CALCOCO2: variants seen among roughly 807,000 people sequenced by gnomAD.
CALCOCO2 encodes the protein calcium binding and coiled-coil domain 2.
A neutral mutation model predicts 62.5 loss-of-function variants in CALCOCO2; 42 were observed. That is an observed-to-expected ratio of 0.67 (90% CI 0.53 to 0.87). The LOEUF is 0.87. Among genes scored for constraint, CALCOCO2 ranks in the 40% least tolerant of loss-of-function variants. The pLI is 0.00. For synonymous variants in CALCOCO2, 167 were observed against 173.0 expected, an observed-to-expected ratio of 0.97 and a Z score of 0.27; for missense variants, 456 against 515.0, an observed-to-expected ratio of 0.89 and a Z score of 1.11.
rs1244344139 is a variant in CALCOCO2 at position 48,857,812 on chromosome 17, A to C, written c.1008+1625A>C. On this transcript the variant is annotated intron_variant, in intron 10 of 12. Transcript: ENST00000258947. ...ACACAGTGAAACCCCGTCTCTACTA[A>C]AAATACAAAAAAAAAATTAGCGAGC... Among the ~76,000 whole-genome samples, 24 of 137,698 alleles carry C rather than the reference A, an allele frequency of 1.7e-4. No homozygotes were observed. The Admixed American group carries it at 1.8e-3, about 11-fold the overall frequency. The allele number at this position is 137,698 out of a possible 152,430, so 90.3% of individuals were successfully genotyped here. A position where few individuals can be genotyped will look rare whatever the true frequency, so the allele number is the denominator to read the frequency against.
intron 1 of CALCOCO2, among the ~76,000 whole-genome samples, chr17:48,837,543 G>C (rs959091348): frequency 6.6e-6 from 1 of 152,080 alleles, no homozygotes; most frequent in Non-Finnish European, 1.5e-5. Flanking sequence ...TTACTCAGGA[G>C]GCTGAAGCAG....
chr17:48,841,549 GA>G (rs2039974583), intron 1 of CALCOCO2, 148 bp from the exon 2 acceptor site: 1 of 504,534 alleles, frequency 2.0e-6, no homozygotes, highest in African/African-American at 2.0e-5. Flanking sequence ...AAGTGAAACA[GA>G]AAGCAAGTTG....
rs1306031260 is a variant in CALCOCO2 at position 48,864,902 on chromosome 17, GA to G, written c.*1898del. The G allele has an allele frequency of 6.6e-6, 1 of 152,208 alleles. No individual in the cohort carries two copies. The highest frequency in any genetic ancestry group is 1.9e-4 in the East Asian group (1 of 5,204). The allele number at this position is 152,208 out of a possible 1,614,324, so 9.4% of individuals were successfully genotyped here. On this transcript the variant is annotated 3_prime_UTR_variant, in exon 13 of 13. Coordinates refer to ENST00000258947, the MANE Select transcript of CALCOCO2 (RefSeq NM_005831.5). The stretch of plus-strand genomic sequence containing the variant: ...CCTACAGAATTTCTGTTGCTCCCCA[GA>G]TCCAGTGAAGAATTGCAGTTTCATT...
rs139933630 is a variant in CALCOCO2 at position 48,852,943 on chromosome 17, G to C, written c.843G>C (p.Lys281Asn). 6.2e-7 allele frequency: 1 copy of C among 1,613,404 alleles called. No individual in the cohort carries two copies. The highest frequency in any genetic ancestry group is 1.3e-5 in the African/African-American group (1 of 74,890). The change falls in exon 9 of 13, where the codon AAG becomes AAC. Residue 281 changes from lysine (K) to asparagine (N), a missense_variant. Transcript: ENST00000258947. ...SLTEQRKDQK[K>N]LEQTVEQMKQ... ...TTGTGCAGAGGAAGGACCAGAAGAA[G>C]CTCGAGCAGACAGTGGAGCAAATGA... is the stretch of plus-strand genomic sequence containing the variant.
At chr17:48,858,026 A>G (rs190929592) in intron 10 of CALCOCO2, among the ~76,000 whole-genome samples, 209 of 16,094 alleles carry the variant, frequency 0.013, 3 homozygotes, top group Admixed American at 0.08. Context: ...ATAGAATAGA[A>G]TAGAATAGAA....
rs1264371074 is a variant in CALCOCO2, at chr17:48,856,181, A to C, written c.1002A>C (p.Glu334Asp). Reference protein sequence around the residue: ...LQRQKERLEGENDLLKRENSR... With the variant: ...LQRQKERLEGDNDLLKRENSR... ...GACAGAAAGAGAGATTGGAAGGAGAAAATGATGTAAGTGTGTGAAAGAGGG... is the reference window on the plus strand; with the variant it reads ...GACAGAAAGAGAGATTGGAAGGAGACAATGATGTAAGTGTGTGAAAGAGGG... Residue 334 changes from glutamate to aspartate, a missense_variant, in exon 10 of 13, where the codon GAA becomes GAC. Transcript: ENST00000258947. 1 of 1,573,154 alleles carries C rather than the reference A, an allele frequency of 6.4e-7. No individual in the cohort carries two copies. Among genetic ancestry groups the C allele is most frequent in the South Asian group, 1.1e-5 (1 of 89,940 alleles).
chr17:48,863,237 C>T lies in CALCOCO2; in HGVS notation c.*232C>T, dbSNP rs1053430476. 8.5e-6 allele frequency: 4 copies of T among 469,656 alleles called. No individual in the cohort carries two copies. The highest frequency in any genetic ancestry group is 1.6e-5 in the Non-Finnish European group (4 of 254,516). 29.1% of individuals were successfully genotyped at this position (469,656 alleles called of 1,614,324 possible). A position where few individuals can be genotyped will look rare whatever the true frequency, so the allele number is the denominator to read the frequency against. ...AGTCGCATAACTCTAGCTGTATCAT[C>T]CTCTCACCTGTCATTCTTCTGAGGG... On this transcript the variant is annotated 3_prime_UTR_variant, in exon 13 of 13. Coordinates refer to ENST00000258947, the MANE Select transcript of CALCOCO2 (RefSeq NM_005831.5).
chr17:48,856,266 A>T (rs1328349690), intron 10 of CALCOCO2, 79 bp downstream of exon 10: 7 of 759,664 alleles, frequency 9.2e-6, no homozygotes, highest in Non-Finnish European at 1.5e-5. Context: ...TAGTGAAAAA[A>T]ATAAAAAGTT....
In CALCOCO2 at chr17:48,852,941, A is replaced by C; in HGVS notation, c.841A>C (p.Lys281Gln). The C allele has an allele frequency of 6.2e-7, 1 of 1,613,332 alleles. No homozygotes were observed. The highest frequency in any genetic ancestry group is 1.1e-5 in the South Asian group (1 of 91,068). Reference sequence around the variant, plus strand: ...TTTTGTGCAGAGGAAGGACCAGAAGAAGCTCGAGCAGACAGTGGAGCAAAT... The same window carrying C: ...TTTTGTGCAGAGGAAGGACCAGAAGCAGCTCGAGCAGACAGTGGAGCAAAT... Reference protein sequence around the residue: ...SLTEQRKDQKKLEQTVEQMKQ... With the variant: ...SLTEQRKDQKQLEQTVEQMKQ... Residue 281 changes from lysine to glutamine, a missense_variant, in exon 9 of 13, where the codon AAG becomes CAG. This residue lies in a region of CALCOCO2 where 172 missense variants were observed against 210.3 expected (regional missense o/e 0.82). Coordinates refer to ENST00000258947, the MANE Select transcript of CALCOCO2 (RefSeq NM_005831.5).
chr17:48,835,789 G>C (rs1269766417), intron 1 of CALCOCO2, among the ~76,000 whole-genome samples: 1 of 150,020 alleles, frequency 6.7e-6, no homozygotes, highest in African/African-American at 2.5e-5. Context: ...TGCTCTTGTT[G>C]CCCAGGCTGG....
At chr17:48,858,054 T>A (rs867883181) in intron 10 of CALCOCO2, among the ~76,000 whole-genome samples, 6 of 139,648 alleles carry the variant, frequency 4.3e-5, no homozygotes, top group Admixed American at 1.5e-4. Context: ...GAAAATAGAA[T>A]AGAATAGAAT....
intron 11 of CALCOCO2, among the ~76,000 whole-genome samples, chr17:48,861,530 C>G (rs904767404): frequency 6.6e-6 from 1 of 151,574 alleles, no homozygotes; most frequent in Non-Finnish European, 1.5e-5. Context: ...GTCTTAAAAC[C>G]TATTCTCAGA....
chr17:48,831,625 A>G (rs2039814163), intron 1 of CALCOCO2: 1 of 152,186 alleles, frequency 6.6e-6, no homozygotes, highest in African/African-American at 2.4e-5. Context: ...AGGCAGGAGG[A>G]AAGACGGTGT....
In CALCOCO2 at chr17:48,848,050, T is replaced by A; in HGVS notation, c.181-14T>A. 1 of 1,514,040 alleles carries A rather than the reference T, an allele frequency of 6.6e-7. No homozygotes were observed. Among genetic ancestry groups the A allele is most frequent in the East Asian group, 2.3e-5 (1 of 44,398 alleles). 93.8% of individuals were successfully genotyped at this position (1,514,040 alleles called of 1,614,324 possible). Reference sequence around the variant, plus strand: ...CCCTTTCAGGTACTAAATAAGAACTTCTTGTCATTGCAGGTGGGGTGGAAG... The same window carrying A: ...CCCTTTCAGGTACTAAATAAGAACTACTTGTCATTGCAGGTGGGGTGGAAG... On this transcript the variant is annotated splice_polypyrimidine_tract_variant and intron_variant, in intron 2 of 12. Coordinates refer to ENST00000258947, the MANE Select transcript of CALCOCO2 (RefSeq NM_005831.5).
chr17:48,849,412 G>A (rs746953230), intron 5 of CALCOCO2, 35 bp downstream of exon 5: 3 of 1,596,386 alleles, frequency 1.9e-6, no homozygotes, highest in Non-Finnish European at 2.6e-6. Flanking sequence ...CTTGGAGCAT[G>A]GAGATCAGAA....
intron 11 of CALCOCO2, among the ~76,000 whole-genome samples, chr17:48,861,780 G>T (rs148377679): frequency 0.024 from 3,687 of 150,882 alleles, 71 homozygotes; most frequent in Non-Finnish European, 0.034. Context: ...GGGTGTCGTG[G>T]CTCACTCCTG....
chr17:48,836,899 A>G (rs547967960), intron 1 of CALCOCO2, among the ~76,000 whole-genome samples: 15 of 151,780 alleles, frequency 9.9e-5, no homozygotes, highest in Middle Eastern at 3.4e-3. Flanking sequence ...AGCTGGAATT[A>G]CAGATGCATG....
chr17:48,854,382 T>TTATATATATATATATATG (rs201839175), intron 9 of CALCOCO2, among the ~76,000 whole-genome samples: 10 of 5,992 alleles, frequency 1.7e-3, no homozygotes, highest in African/African-American at 2.7e-3. Flanking sequence ...TTTCTTTTAT[T>TTATATATATATATATATG]TATATATATA....
chr17:48,861,659 G>GTATATATA (rs367595425), intron 11 of CALCOCO2, among the ~76,000 whole-genome samples: 2,656 of 135,182 alleles, frequency 0.02, 174 homozygotes, highest in African/African-American at 0.069. Flanking sequence ...ATATGTGTGT[G>GTATATATA]TGTATATATA....
Sources: gnomAD v4.1 joint callset for allele counts (sites outside exome capture counted in the v4.1 genomes callset) on GRCh38, gnomAD v4.1.1 for gene constraint, gnomAD v4.1.1 regional missense constraint, MANE v1.5 for transcripts, NCBI Gene and HGNC (gene_info 2026-07-23, HGNC 2026-07-21) for gene names.